Variants in NAALADL2 observed in about 807,000 individuals in gnomAD.
The protein encoded by NAALADL2 is N-acetylated alpha-linked acidic dipeptidase like 2, also known as inactive N-acetylated-alpha-linked acidic dipeptidase-like protein 2.
Under a neutral mutation model 87.2 loss-of-function variants are expected in NAALADL2, and 76 were observed. The observed-to-expected ratio is 0.87, with a 90% CI of 0.72 to 1.05. NAALADL2 has a LOEUF of 1.05. Among genes scored for constraint, NAALADL2 ranks in the 50% least tolerant of loss-of-function variants. The pLI is 0.00. For missense variants in NAALADL2, 1,089 were observed against 945.8 expected (o/e 1.15, Z -1.99); for synonymous variants, 354 against 331.0 (o/e 1.07, Z -0.75).
At chr3:175,252,945 G>C (rs886266063) in intron 3 of NAALADL2, among the ~76,000 whole-genome samples, 2 of 152,126 alleles carry the variant, frequency 1.3e-5, no homozygotes, top group Admixed American at 6.6e-5. Context: ...AAGTTAACAG[G>C]GGTTGATCCA....
chr3:174,606,313 G>A (rs867088932), intron 2 of NAALADL2, among the ~76,000 whole-genome samples: 15 of 152,360 alleles, frequency 9.8e-5, no homozygotes, highest in African/African-American at 3.4e-4. Flanking sequence ...GAACAAAGCT[G>A]GACGGAGAAT....
Position 174,968,503 on chromosome 3 carries a change from AT to A in NAALADL2, c.43+109063del, listed in dbSNP as rs750998514. ...GACTCCACAGCCTGTTTTTCTAACTATTTTTTTTTTCTATCACCCAGGCTGC... is the reference window on the plus strand; with the variant it reads ...GACTCCACAGCCTGTTTTTCTAACTATTTTTTTTTCTATCACCCAGGCTGC... On this transcript the variant is annotated intron_variant, in intron 1 of 13. Coordinates refer to ENST00000454872, the MANE Select transcript of NAALADL2 (RefSeq NM_207015.3). Among the ~76,000 whole-genome samples the A allele has an allele frequency of 2.8e-3, 413 of 149,962 alleles. 11 individuals are homozygous for A. The East Asian group carries it at 0.065, about 24-fold the overall frequency.
At chr3:175,605,538 C>A (rs939156059) in intron 10 of NAALADL2, among the ~76,000 whole-genome samples, 1 of 151,754 alleles carries the variant, frequency 6.6e-6, no homozygotes, top group African/African-American at 2.4e-5. Flanking sequence ...AAAAGATAGG[C>A]TTATTTGCCT....
At chr3:175,042,200 T>C (rs1049459939) in intron 1 of NAALADL2, among the ~76,000 whole-genome samples, 11 of 152,182 alleles carry the variant, frequency 7.2e-5, no homozygotes, top group African/African-American at 2.4e-4. Flanking sequence ...CATACTTCAC[T>C]TAATATCATG....
At chr3:175,421,247 C>T (rs1301831070) in intron 5 of NAALADL2, among the ~76,000 whole-genome samples, 12 of 152,074 alleles carry the variant, frequency 7.9e-5, no homozygotes, top group African/African-American at 2.9e-4. Flanking sequence ...GAAATACCAA[C>T]TTATAGATGC....
At chr3:175,292,830 G>A (rs1270386220) in intron 4 of NAALADL2, among the ~76,000 whole-genome samples, 2 of 151,884 alleles carry the variant, frequency 1.3e-5, no homozygotes, top group Non-Finnish European at 2.9e-5. Context: ...GAGGTCAGGA[G>A]ATCGAGACCA....
chr3:175,223,720 TAAAA>T (rs915219552), intron 2 of NAALADL2, among the ~76,000 whole-genome samples: 3 of 152,158 alleles, frequency 2.0e-5, no homozygotes, highest in African/African-American at 7.2e-5. Context: ...TGTTTTGAAT[TAAAA>T]AGAAAGATGT....
chr3:174,909,338 T>C (rs1247316114), intron 1 of NAALADL2, among the ~76,000 whole-genome samples: 1 of 152,076 alleles, frequency 6.6e-6, no homozygotes, highest in East Asian at 1.9e-4. Context: ...GAGGTCGCCA[T>C]GAGCCAAGAC....
rs112464583 is a variant in NAALADL2, at chr3:175,377,006, TA to T, written c.1090+52693del. 5.1e-3 allele frequency among the ~76,000 whole-genome samples: 657 copies of T among 128,544 alleles called. 3 individuals are homozygous for T. The highest frequency in any genetic ancestry group is 0.015 in the African/African-American group (519 of 34,080). 84.3% of individuals were successfully genotyped at this position (128,544 alleles called of 152,430 possible). ...TTTATTTGCTTACCTGGCCTTCTTT[TA>T]AAAAAAAAAAATTATTGAATTTAGG... On this transcript the variant is annotated intron_variant, in intron 5 of 13. Coordinates refer to ENST00000454872, the MANE Select transcript of NAALADL2 (RefSeq NM_207015.3).
chr3:175,137,034 G>A (rs1485992330), intron 2 of NAALADL2, among the ~76,000 whole-genome samples: 1 of 151,996 alleles, frequency 6.6e-6, no homozygotes, highest in Non-Finnish European at 1.5e-5. Context: ...CTTAATGATG[G>A]AATTTGTTGA....
intron 2 of NAALADL2, among the ~76,000 whole-genome samples, chr3:175,122,848 C>T (rs1366732552): frequency 2.6e-5 from 4 of 151,840 alleles, no homozygotes; most frequent in South Asian, 2.1e-4. Flanking sequence ...TCATGGTTCT[C>T]AAGGCTGAGA....
intron 2 of NAALADL2, among the ~76,000 whole-genome samples, chr3:174,622,908 T>G (rs1721168097): frequency 6.6e-6 from 1 of 152,118 alleles, no homozygotes; most frequent in Non-Finnish European, 1.5e-5. Flanking sequence ...CCAGGCGTGG[T>G]GGCAGGCACC....
intron 5 of NAALADL2, 115 bp downstream of exon 5, chr3:175,324,440 C>A: frequency 3.8e-6 from 3 of 789,716 alleles, no homozygotes; most frequent in Non-Finnish European, 5.7e-6. Flanking sequence ...AGCATCCCAT[C>A]TTATTATTTT....
chr3:174,520,722 T>C (rs968855534), intron 1 of NAALADL2, among the ~76,000 whole-genome samples: 3 of 152,160 alleles, frequency 2.0e-5, no homozygotes, highest in African/African-American at 7.2e-5. Context: ...TCATCAAACT[T>C]AAAATGCTTC....
chr3:175,274,153 C>T (rs571943691), intron 4 of NAALADL2, among the ~76,000 whole-genome samples: 12 of 152,056 alleles, frequency 7.9e-5, no homozygotes, highest in South Asian at 4.2e-4. Context: ...AGGCAGATGG[C>T]GAAGGGGAAG....
chr3:175,434,576 T>A (rs1718311484), intron 5 of NAALADL2, among the ~76,000 whole-genome samples: 2 of 152,080 alleles, frequency 1.3e-5, no homozygotes, highest in Admixed American at 1.3e-4. Context: ...ATTTAATCAG[T>A]CTCATAAAAT....
intron 9 of NAALADL2, among the ~76,000 whole-genome samples, chr3:175,520,459 C>T (rs557449695): frequency 1.4e-4 from 21 of 151,466 alleles, no homozygotes; most frequent in Non-Finnish European, 2.1e-4. Context: ...CCACCGCGCC[C>T]GGCTAATTTT....
At chr3:174,696,826 T>G (rs1729063895) in intron 2 of NAALADL2, among the ~76,000 whole-genome samples, 1 of 151,994 alleles carries the variant, frequency 6.6e-6, no homozygotes, top group South Asian at 2.1e-4. Context: ...TGAATGTGTT[T>G]TAAAGTTTAA....
At chr3:175,457,703 T>TG (rs1722528769) in intron 6 of NAALADL2, among the ~76,000 whole-genome samples, 1 of 149,358 alleles carries the variant, frequency 6.7e-6, no homozygotes, top group African/African-American at 2.5e-5. Context: ...TTTTTTTTTT[T>TG]GTAGAGACAA....
Sources: allele counts gnomAD v4.1 joint callset (sites outside exome capture counted in the v4.1 genomes callset), GRCh38; gene constraint gnomAD v4.1.1; transcripts MANE v1.5; gene names NCBI Gene and HGNC (gene_info 2026-07-23, HGNC 2026-07-21).